ZNF678: variants seen among roughly 807,000 people sequenced by gnomAD.
ZNF678 encodes zinc finger protein 678, also known as hypothetical protein MGC42493.
A neutral mutation model predicts 3.0 loss-of-function variants in ZNF678; 5 were observed. The ratio of observed to expected loss-of-function variants is 1.69; its 90% CI spans 0.88 to 3.56. The LOEUF is 3.56. Among genes scored for constraint, ZNF678 ranks in the 30% most tolerant of loss-of-function variants. The probability of loss-of-function intolerance (pLI) is 0.00; values close to 1 mark genes in which losing one functional copy is unlikely to be tolerated. For missense variants in ZNF678, 593 were observed against 605.0 expected (o/e 0.98, Z 0.21); for synonymous variants, 218 against 199.6 (o/e 1.09, Z -0.78).
At chr1:227,578,132 T>TATAC (rs1657033207) in intron 1 of ZNF678, among the ~76,000 whole-genome samples, 1 of 152,232 alleles carries the variant, frequency 6.6e-6, no homozygotes, top group African/African-American at 2.4e-5. Flanking sequence ...CTTCCCTTTG[T>TATAC]AGGTTACCTG....
intron 1 of ZNF678, among the ~76,000 whole-genome samples, chr1:227,593,862 C>CGG (rs1558136322): frequency 4.4e-5 from 3 of 68,956 alleles, no homozygotes; most frequent in Non-Finnish European, 2.5e-5. Flanking sequence ...CCATCCCCCC[C>CGG]CCCCCTTTTT....
chr1:227,576,308 A>G (rs1399932519), intron 1 of ZNF678, among the ~76,000 whole-genome samples: 1 of 152,176 alleles, frequency 6.6e-6, no homozygotes, highest in African/African-American at 2.4e-5. Flanking sequence ...CTTTTGGAAG[A>G]GTTTCAGCAG....
In ZNF678 at chr1:227,650,982, A is replaced by G. The variant is rs759690833; in HGVS notation, c.-10A>G. 3 of 1,612,010 alleles carry G rather than the reference A, an allele frequency of 1.9e-6. No individual in the cohort carries two copies. Among genetic ancestry groups the G allele is most frequent in the Non-Finnish European group, 2.5e-6 (3 of 1,179,476 alleles). Reference sequence around the variant, plus strand: ...ACTTCCAGGACTATGTTAAAATAGAAGCATTGATAATGGGCACAATATCAC... The same window carrying G: ...ACTTCCAGGACTATGTTAAAATAGAGGCATTGATAATGGGCACAATATCAC... On this transcript the variant is annotated 5_prime_UTR_variant, in exon 3 of 4. Coordinates refer to ENST00000343776, the MANE Select transcript of ZNF678 (RefSeq NM_001367909.1).
intron 1 of ZNF678, among the ~76,000 whole-genome samples, chr1:227,588,787 A>C (rs963473932): frequency 6.6e-6 from 1 of 152,002 alleles, no homozygotes; most frequent in East Asian, 1.9e-4. Flanking sequence ...TTACAGGTGT[A>C]AGCCACTGCC....
intron 1 of ZNF678, among the ~76,000 whole-genome samples, chr1:227,605,246 A>C (rs1281671874): frequency 6.6e-6 from 1 of 152,186 alleles, no homozygotes; most frequent in Admixed American, 6.5e-5. Context: ...ATTTTCAGAA[A>C]GTTCATAGCT....
chr1:227,564,719 T>C (rs948870745), intron 1 of ZNF678, among the ~76,000 whole-genome samples: 9 of 152,080 alleles, frequency 5.9e-5, no homozygotes, highest in African/African-American at 1.7e-4. Context: ...GTTGTTGCTG[T>C]TGTTGTTTTG....
intron 1 of ZNF678, among the ~76,000 whole-genome samples, chr1:227,566,938 C>G (rs192548427): frequency 5.9e-5 from 9 of 152,250 alleles, no homozygotes; most frequent in African/African-American, 2.2e-4. Flanking sequence ...GGAAACGTCT[C>G]TTTTTCATTA....
chr1:227,640,359 G>C (rs1658789201), intron 1 of ZNF678, among the ~76,000 whole-genome samples: 1 of 151,958 alleles, frequency 6.6e-6, no homozygotes, highest in Non-Finnish European at 1.5e-5. Context: ...GGTTAAAGAA[G>C]ATGGTTGAGA....
intron 1 of ZNF678, among the ~76,000 whole-genome samples, chr1:227,596,630 A>G (rs1657595639): frequency 6.6e-6 from 1 of 152,228 alleles, no homozygotes; most frequent in Non-Finnish European, 1.5e-5. Context: ...GCATAAGACA[A>G]TAAGAGGGGT....
intron 1 of ZNF678, among the ~76,000 whole-genome samples, chr1:227,585,761 G>C (rs1657243454): frequency 6.7e-6 from 1 of 149,428 alleles, no homozygotes; most frequent in Non-Finnish European, 1.5e-5. Flanking sequence ...TGGTGACAGA[G>C]TGAGATTCAG....
At chr1:227,632,019 G>A (rs571568460) in intron 1 of ZNF678, among the ~76,000 whole-genome samples, 10 of 152,208 alleles carry the variant, frequency 6.6e-5, no homozygotes, top group Admixed American at 1.3e-4. Context: ...AGATTGTATT[G>A]CAGAGGGGTA....
chr1:227,679,320 C>T (rs1659730335), downstream of ZNF678, among the ~76,000 whole-genome samples: 1 of 152,136 alleles, frequency 6.6e-6, no homozygotes, highest in Non-Finnish European at 1.5e-5. Context: ...GAAGTAAAAA[C>T]TAAAAGGCAG....
intron 1 of ZNF678, among the ~76,000 whole-genome samples, chr1:227,608,072 CTTTAAAG>C (rs1303689594): frequency 2.0e-5 from 3 of 151,698 alleles, no homozygotes; most frequent in Admixed American, 6.6e-5. Flanking sequence ...ATCTTTAAAA[CTTTAAAG>C]TTTAAGGCTC....
intron 1 of ZNF678, among the ~76,000 whole-genome samples, chr1:227,613,642 A>G (rs1377109977): frequency 6.6e-6 from 1 of 152,186 alleles, no homozygotes; most frequent in African/African-American, 2.4e-5. Flanking sequence ...TCACAAACAG[A>G]TATACCCCAC....
chr1:227,629,153 TAAC>T (rs1658489722), intron 1 of ZNF678, among the ~76,000 whole-genome samples: 2 of 152,192 alleles, frequency 1.3e-5, no homozygotes, highest in South Asian at 4.1e-4. Context: ...TTTAGGTCCT[TAAC>T]AATCTTTTGG....
chr1:227,627,704 C>G (rs1253412658), intron 1 of ZNF678, among the ~76,000 whole-genome samples: 1 of 152,164 alleles, frequency 6.6e-6, no homozygotes, highest in African/African-American at 2.4e-5. Flanking sequence ...CTCCTGTGTT[C>G]TAGTGCCCAA....
intron 1 of ZNF678, among the ~76,000 whole-genome samples, chr1:227,611,547 CT>C (rs1658021107): frequency 6.6e-6 from 1 of 152,176 alleles, no homozygotes; most frequent in Non-Finnish European, 1.5e-5. Flanking sequence ...AGACATTCAC[CT>C]TCATCTGTGT....
chr1:227,578,629 C>T (rs1219794815), intron 1 of ZNF678, among the ~76,000 whole-genome samples: 1 of 152,198 alleles, frequency 6.6e-6, no homozygotes, highest in African/African-American at 2.4e-5. Context: ...TTTTGTCTGA[C>T]AGCTCTTGCA....
At chr1:227,667,778 C>T (rs1010680002) in intron 5 of ZNF678, among the ~76,000 whole-genome samples, 1 of 152,020 alleles carries the variant, frequency 6.6e-6, no homozygotes. Flanking sequence ...AAATATACCC[C>T]GAACTTATTT....
Sources: allele counts gnomAD v4.1 joint callset (sites outside exome capture counted in the v4.1 genomes callset), GRCh38; gene constraint gnomAD v4.1.1; transcripts MANE v1.5; gene names NCBI Gene and HGNC (gene_info 2026-07-23, HGNC 2026-07-21).